LARS1: variants seen among roughly 807,000 people sequenced by gnomAD.
LARS1 encodes the protein leucine--tRNA ligase, cytoplasmic.
Under a neutral mutation model 162.8 loss-of-function variants are expected in LARS1, and 100 were observed. The observed-to-expected ratio is 0.61, with a 90% CI of 0.52 to 0.73. LARS1 has a LOEUF of 0.73. Ranked by LOEUF, LARS1 falls within the 30% of genes least tolerant of loss-of-function variation. The probability of loss-of-function intolerance (pLI) is 0.00; values close to 1 mark genes in which losing one functional copy is unlikely to be tolerated. For missense variants in LARS1, 1,258 were observed against 1,408.9 expected (o/e 0.89, Z 1.71); for synonymous variants, 457 against 462.8 (o/e 0.99, Z 0.16).
Position 146,153,791 on chromosome 5 carries a change from A to G in LARS1, c.1173T>C (p.Ser391=), listed in dbSNP as rs1264521793. The change falls in exon 12 of 32, where the codon AGT becomes AGC. Residue 391 remains serine, a synonymous_variant. Coordinates refer to ENST00000394434, the MANE Select transcript of LARS1 (RefSeq NM_020117.11). ...KEDKGTGVVT[S]VPSDSPDDIA... ...TATCATCAGGGGAGTCGGAAGGAACACTTGTAACCACACCAGTGCCTTAGA... is the reference window on the plus strand; with the variant it reads ...TATCATCAGGGGAGTCGGAAGGAACGCTTGTAACCACACCAGTGCCTTAGA... 5 of 1,614,104 alleles carry G rather than the reference A, an allele frequency of 3.1e-6. No homozygotes were observed. The South Asian group carries it at 4.4e-5, about 14-fold the overall frequency.
intron 23 of LARS1, 78 bp downstream of exon 23, chr5:146,132,820 A>G: frequency 9.0e-7 from 1 of 1,106,572 alleles, no homozygotes; most frequent in Non-Finnish European, 1.3e-6. Context: ...AAAAAAAGAA[A>G]AGAAAAGAAA....
intron 5 of LARS1, among the ~76,000 whole-genome samples, chr5:146,165,321 A>G (rs1165132313): frequency 6.6e-6 from 1 of 152,070 alleles, no homozygotes; most frequent in Non-Finnish European, 1.5e-5. Flanking sequence ...GGTGACAGAG[A>G]GAGACTCCAT....
chr5:146,179,244 C>A (rs1053702663), intron 1 of LARS1, among the ~76,000 whole-genome samples: 3 of 152,160 alleles, frequency 2.0e-5, no homozygotes, highest in African/African-American at 7.2e-5. Flanking sequence ...TCACTGAAAC[C>A]TCCATCTCTG....
intron 4 of LARS1, among the ~76,000 whole-genome samples, chr5:146,170,711 A>C (rs555101590): frequency 6.6e-6 from 1 of 152,044 alleles, no homozygotes; most frequent in East Asian, 1.9e-4. Flanking sequence ...GAGAGAGAGA[A>C]GGGCTAGGCG....
In LARS1 at chr5:146,126,510, A is replaced by T; in HGVS notation, c.2916T>A (p.Ile972=). 1 of 1,612,386 alleles carries T rather than the reference A, an allele frequency of 6.2e-7. No individual in the cohort carries two copies. The highest frequency in any genetic ancestry group is 2.2e-5 in the East Asian group (1 of 44,854). Residue 972 remains isoleucine, a synonymous_variant, in exon 28 of 32, where the codon ATT becomes ATA. Coordinates refer to ENST00000394434, the MANE Select transcript of LARS1 (RefSeq NM_020117.11). ...NNGKLPDNKV[I]ASELGSMPEL... is the part of the protein sequence containing the mutation. ...CTGGCATACTGCCTAGTTCACTAGC[A>T]ATGACTTTGTTGTCAGGCAGTTTTC...
At chr5:146,136,310 C>T (rs1030435285) in intron 21 of LARS1, among the ~76,000 whole-genome samples, 1 of 152,136 alleles carries the variant, frequency 6.6e-6, no homozygotes, top group Non-Finnish European at 1.5e-5. Flanking sequence ...AACTTTCAGA[C>T]AGCCAAAGAA....
chr5:146,151,176 A>G (rs1047855954), intron 14 of LARS1, among the ~76,000 whole-genome samples: 1 of 152,228 alleles, frequency 6.6e-6, no homozygotes, highest in Non-Finnish European at 1.5e-5. Flanking sequence ...TAAGTGCTAC[A>G]TAAGTGTTGC....
Position 146,157,560 on chromosome 5 carries a change from G to T in LARS1, c.908C>A (p.Thr303Lys), listed in dbSNP as rs1423378647. 6.2e-7 allele frequency: 1 copy of T among 1,613,888 alleles called. No individual in the cohort carries two copies. The highest frequency in any genetic ancestry group is 1.7e-5 in the Admixed American group (1 of 59,988). The change falls in exon 10 of 32, where the codon ACA (threonine) becomes AAA (lysine). Residue 303 changes from threonine (T) to lysine (K), a missense_variant. Physicochemically the swap from Thr to Lys is moderately conservative, Grantham distance 78 (BLOSUM62 -1). Transcript: ENST00000394434. ...CATATCAGGACGAACCCAACAATTTGTCTGCCCAAACATGGTCTCAGGTCT... is the reference window on the plus strand; with the variant it reads ...CATATCAGGACGAACCCAACAATTTTTCTGCCCAAACATGGTCTCAGGTCT... ...TLRPETMFGQ[T>K]NCWVRPDMKY... is the part of the protein sequence containing the mutation.
At chr5:146,125,447 C>T (rs1752002981) in intron 28 of LARS1, among the ~76,000 whole-genome samples, 1 of 152,036 alleles carries the variant, frequency 6.6e-6, no homozygotes, top group Non-Finnish European at 1.5e-5. Flanking sequence ...ACAAGAATAA[C>T]TACAATATGC....
chr5:146,152,487 A>G (rs904056489), intron 13 of LARS1, among the ~76,000 whole-genome samples: 3 of 152,082 alleles, frequency 2.0e-5, no homozygotes, highest in Non-Finnish European at 4.4e-5. Context: ...CACGAACCCT[A>G]TTGTGAACTG....
chr5:146,165,578 A>G (rs906161903), intron 5 of LARS1, among the ~76,000 whole-genome samples: 2 of 152,168 alleles, frequency 1.3e-5, no homozygotes, highest in Non-Finnish European at 2.9e-5. Context: ...AAATTTTTAA[A>G]AAATTCAACC....
chr5:146,144,815 A>G, intron 15 of LARS1, 106 bp from the exon 16 acceptor site: 1 of 955,332 alleles, frequency 1.0e-6, no homozygotes, highest in East Asian at 2.6e-5. Flanking sequence ...AATAACTGAA[A>G]GCCCACATTT....
chr5:146,140,360 G>T, intron 20 of LARS1, 99 bp from the exon 21 acceptor site: 1 of 896,498 alleles, frequency 1.1e-6, no homozygotes, highest in Non-Finnish European at 1.8e-6. Flanking sequence ...ATAAAGGCTT[G>T]CTAAGATAAA....
intron 20 of LARS1, 199 bp downstream of exon 20, chr5:146,142,673 C>T: frequency 2.0e-6 from 1 of 512,788 alleles, no homozygotes; most frequent in Non-Finnish European, 3.4e-6. Context: ...TGCTTTGGTG[C>T]CTGGGGTAGG....
intron 4 of LARS1, among the ~76,000 whole-genome samples, chr5:146,170,435 A>G (rs1754209065): frequency 6.6e-6 from 1 of 151,490 alleles, no homozygotes; most frequent in Admixed American, 6.6e-5. Context: ...TCACCACTGC[A>G]CTCCAGACTG....
At chr5:146,174,166 A>AAAAAAG (rs61695003) in intron 2 of LARS1, among the ~76,000 whole-genome samples, 1 of 139,046 alleles carries the variant, frequency 7.2e-6, no homozygotes, top group Non-Finnish European at 1.6e-5. Context: ...AAAAAAAAAA[A>AAAAAAG]GGCTGGGGCC....
At chr5:146,128,626 G>C (rs758661667) in intron 27 of LARS1, 46 bp downstream of exon 27, 1 of 1,259,550 alleles carries the variant, frequency 7.9e-7, no homozygotes, top group Non-Finnish European at 1.1e-6. Context: ...ACAACATAGG[G>C]AGCATACAAC....
intron 5 of LARS1, among the ~76,000 whole-genome samples, chr5:146,167,579 A>T (rs1362413903): frequency 2.6e-5 from 4 of 151,158 alleles, no homozygotes; most frequent in African/African-American, 9.7e-5. Context: ...AATTTTTTGT[A>T]GAGATGGGGT....
In LARS1 at chr5:146,138,910, G is replaced by A. The variant is rs531777946; in HGVS notation, c.2148+1294C>T. The stretch of plus-strand genomic sequence containing the variant: ...CTGGGGAAAGGTAACTCAGGCCCAC[G>A]GGAACAGTAGCATGGTTCATGCCAA... On this transcript the variant is annotated intron_variant, in intron 21 of 31. Coordinates refer to ENST00000394434, the MANE Select transcript of LARS1 (RefSeq NM_020117.11). 15 of 310,538 alleles carry A rather than the reference G, an allele frequency of 4.8e-5. 1 individual carries two copies. The highest frequency in any genetic ancestry group is 7.8e-5 in the Non-Finnish European group (12 of 152,914). The allele number at this position is 310,538 out of a possible 1,614,324, so 19.2% of individuals were successfully genotyped here. A position where few individuals can be genotyped will look rare whatever the true frequency, so the allele number is the denominator to read the frequency against.
Sources: gnomAD v4.1 joint callset for allele counts (sites outside exome capture counted in the v4.1 genomes callset) on GRCh38, gnomAD v4.1.1 for gene constraint, MANE v1.5 for transcripts, NCBI Gene and HGNC (gene_info 2026-07-23, HGNC 2026-07-21) for gene names.